ARHGEF10L: variants seen among roughly 807,000 people sequenced by gnomAD.
ARHGEF10L encodes the protein rho guanine nucleotide exchange factor 10-like protein.
Under a neutral mutation model 141.2 loss-of-function variants are expected in ARHGEF10L, and 69 were observed. The observed-to-expected ratio is 0.49, with a 90% confidence interval of 0.40 to 0.60. ARHGEF10L has a LOEUF of 0.60. Among genes scored for constraint, ARHGEF10L ranks in the 20% least tolerant of loss-of-function variants. The pLI is 0.00. For synonymous variants in ARHGEF10L, 711 were observed against 718.5 expected, an observed-to-expected ratio of 0.99 and a Z score of 0.17; for missense variants, 1,482 against 1,734.3, an observed-to-expected ratio of 0.85 and a Z score of 2.58.
intron 21 of ARHGEF10L, among the ~76,000 whole-genome samples, chr1:17,641,167 C>A (rs990512895): frequency 6.6e-6 from 1 of 152,188 alleles, no homozygotes; most frequent in Non-Finnish European, 1.5e-5. Context: ...TTTACTTGTC[C>A]ATTTTTTGAG....
chr1:17,534,052 T>C, the ARHGEF10L span, among the ~76,000 whole-genome samples: 1 of 150,732 alleles, frequency 6.6e-6, no homozygotes, highest in Non-Finnish European at 1.5e-5. Flanking sequence ...ACCTCTGCCT[T>C]CTGGGTTTAA....
At position 17,587,514 on chromosome 1, in the gene ARHGEF10L, C is replaced by T; in HGVS notation, c.92C>T (p.Pro31Leu). The change falls in exon 3 of 29, where the codon CCA (proline) becomes CTA (leucine). Residue 31 changes from proline to leucine, a missense_variant. Physicochemically the swap from Pro to Leu is moderately conservative, Grantham distance 98. Coordinates refer to ENST00000361221, the MANE Select transcript of ARHGEF10L (RefSeq NM_018125.4). ...PGPSSEAEDDPGEAFEFDDSD... is the reference protein window; with the variant it reads ...PGPSSEAEDDLGEAFEFDDSD... ...CCCTCCTCTGAGGCAGAGGACGACCCAGGAGAGGCGTTTGAGTTTGATGAC... is the reference window on the plus strand; with the variant it reads ...CCCTCCTCTGAGGCAGAGGACGACCTAGGAGAGGCGTTTGAGTTTGATGAC... The T allele has an allele frequency of 6.2e-7, 1 of 1,614,164 alleles. No homozygotes were observed. Among genetic ancestry groups the T allele is most frequent in the Non-Finnish European group, 8.5e-7 (1 of 1,180,022 alleles).
intron 5 of ARHGEF10L, 27 bp downstream of exon 5, chr1:17,602,245 C>A: frequency 6.4e-7 from 1 of 1,550,412 alleles, no homozygotes; most frequent in Non-Finnish European, 8.7e-7. Context: ...GCCCACCGCC[C>A]ACCCCAGGTA....
intron 26 of ARHGEF10L, among the ~76,000 whole-genome samples, chr1:17,678,568 C>T (rs971292052): frequency 1.6e-4 from 25 of 152,028 alleles, no homozygotes; most frequent in African/African-American, 5.1e-4. Context: ...TACAGGCATG[C>T]GCCACCACCC....
At chr1:17,634,258 G>A (rs1000528399) in intron 16 of ARHGEF10L, 6 of 549,718 alleles carry the variant, frequency 1.1e-5, no homozygotes, top group African/African-American at 7.7e-5. Flanking sequence ...CCCGGTTTTG[G>A]GGAATCAGTT....
Position 17,616,208 on chromosome 1 carries a change from G to A in ARHGEF10L, c.835+6G>A. The A allele has an allele frequency of 6.2e-7, 1 of 1,612,036 alleles. No individual in the cohort carries two copies. The highest frequency in any genetic ancestry group is 1.1e-5 in the South Asian group (1 of 91,002). ...GCACAGGAAGGACGTCCTCGGTGAG[G>A]CGCTGCCCGAGCGGGAGGGTCTGGT... On this transcript the variant is annotated splice_donor_region_variant and intron_variant, in intron 9 of 28. Coordinates refer to ENST00000361221, the MANE Select transcript of ARHGEF10L (RefSeq NM_018125.4).
At chr1:17,543,668 G>A (rs2076811266) in intron 1 of ARHGEF10L, among the ~76,000 whole-genome samples, 1 of 151,856 alleles carries the variant, frequency 6.6e-6, no homozygotes, top group African/African-American at 2.4e-5. Context: ...TGTTTTTTGA[G>A]ATGGAGTCTC....
intron 4 of ARHGEF10L, among the ~76,000 whole-genome samples, chr1:17,589,479 A>C (rs1229424549): frequency 6.6e-6 from 1 of 152,202 alleles, no homozygotes; most frequent in East Asian, 1.9e-4. Flanking sequence ...GGGTGCCCCA[A>C]ACTGAGCAAG....
At chr1:17,624,166 C>T (rs1183999195) in intron 12 of ARHGEF10L, among the ~76,000 whole-genome samples, 2 of 152,202 alleles carry the variant, frequency 1.3e-5, no homozygotes, top group Non-Finnish European at 2.9e-5. Context: ...CCCATCCCAC[C>T]TGTGACCTCA....
intron 7 of ARHGEF10L, among the ~76,000 whole-genome samples, chr1:17,609,534 A>G (rs113241935): frequency 0.02 from 3,009 of 152,302 alleles, 86 homozygotes; most frequent in African/African-American, 0.063. Flanking sequence ...ACTGAATGGG[A>G]AACAGTTTGT....
At chr1:17,667,266 A>G (rs2063044132) in intron 26 of ARHGEF10L, among the ~76,000 whole-genome samples, 1 of 152,184 alleles carries the variant, frequency 6.6e-6, no homozygotes, top group Admixed American at 6.5e-5. Context: ...CCTTGGGGCA[A>G]CCTTCAGTCT....
chr1:17,604,356 G>T (rs1007291822), intron 6 of ARHGEF10L: 9 of 152,140 alleles, frequency 5.9e-5, no homozygotes, highest in Admixed American at 5.2e-4. Flanking sequence ...CTTGAGGTCA[G>T]CAGGGCCAGG....
intron 26 of ARHGEF10L, among the ~76,000 whole-genome samples, chr1:17,674,613 C>T (rs541264170): frequency 2.0e-5 from 3 of 152,280 alleles, no homozygotes; most frequent in South Asian, 2.1e-4. Context: ...CCCTGAGAAG[C>T]GTGAGCTGAT....
chr1:17,674,131 C>T (rs920601992), intron 26 of ARHGEF10L, among the ~76,000 whole-genome samples: 2 of 152,200 alleles, frequency 1.3e-5, no homozygotes, highest in East Asian at 3.9e-4. Flanking sequence ...CAAGTACAGG[C>T]ATTGACTTGG....
chr1:17,690,168 G>A (rs183629728), intron 27 of ARHGEF10L, among the ~76,000 whole-genome samples: 17 of 152,292 alleles, frequency 1.1e-4, no homozygotes, highest in Admixed American at 1.0e-3. Flanking sequence ...GGGCGGTTGT[G>A]TCCCTGTCCT....
At chr1:17,634,636 A>G (rs1394942038) in intron 17 of ARHGEF10L, 74 bp downstream of exon 17, 13 of 1,585,996 alleles carry the variant, frequency 8.2e-6, no homozygotes, top group Non-Finnish European at 1.1e-5. Context: ...GATTCTGGAT[A>G]TGGGGCTGGG....
At chr1:17,578,392 G>C (rs1442614808) in intron 1 of ARHGEF10L, among the ~76,000 whole-genome samples, 1 of 152,238 alleles carries the variant, frequency 6.6e-6, no homozygotes, top group African/African-American at 2.4e-5. Flanking sequence ...ATCAGTCACA[G>C]TGAGAAATGC....
At chr1:17,606,495 T>A (rs549205942) in intron 6 of ARHGEF10L, among the ~76,000 whole-genome samples, 1 of 152,100 alleles carries the variant, frequency 6.6e-6, no homozygotes, top group African/African-American at 2.4e-5. Flanking sequence ...GGTTTCATCA[T>A]GTTGGCCAGG....
chr1:17,663,426 G>A (rs569968388), intron 25 of ARHGEF10L, among the ~76,000 whole-genome samples: 17 of 152,100 alleles, frequency 1.1e-4, no homozygotes, highest in Admixed American at 2.0e-4. Context: ...GGTGGCGGGC[G>A]CCTATAATCT....
Sources: allele counts gnomAD v4.1 joint callset (sites outside exome capture counted in the v4.1 genomes callset), GRCh38; gene constraint gnomAD v4.1.1; transcripts MANE v1.5; gene names NCBI Gene and HGNC (gene_info 2026-07-23, HGNC 2026-07-21).